ZFAT: variants seen among roughly 807,000 people sequenced by gnomAD.
ZFAT encodes the protein zinc finger protein ZFAT.
In ZFAT, 64 loss-of-function variants were observed where a neutral mutation model predicts 117.7. That is an observed-to-expected ratio of 0.54 (90% CI 0.44 to 0.67). ZFAT has a LOEUF of 0.67. ZFAT is among the 30% of genes least tolerant of loss of function. The pLI, the probability that ZFAT is intolerant of heterozygous loss-of-function variation, is 0.00. For missense variants in ZFAT, 1,433 were observed against 1,584.5 expected, an observed-to-expected ratio of 0.90 and a Z score of 1.62; for synonymous variants, 679 against 615.0, an observed-to-expected ratio of 1.10 and a Z score of -1.54.
chr8:134,558,889 C>T (rs941436084), intron 11 of ZFAT, among the ~76,000 whole-genome samples: 1 of 152,168 alleles, frequency 6.6e-6, no homozygotes, highest in African/African-American at 2.4e-5. Flanking sequence ...GTGGTGCAGC[C>T]AGAAATTGAA....
the ZFAT span, among the ~76,000 whole-genome samples, chr8:134,782,650 A>G: frequency 6.6e-6 from 1 of 152,056 alleles, no homozygotes. Context: ...ACAAGATCTG[A>G]TAGTTTTATA....
the ZFAT span, among the ~76,000 whole-genome samples, chr8:134,733,370 G>A: frequency 2.6e-5 from 4 of 152,228 alleles, no homozygotes; most frequent in Non-Finnish European, 4.4e-5. Context: ...TGGAGTTTGA[G>A]ACTCCCTGGG....
intron 1 of ZFAT, among the ~76,000 whole-genome samples, chr8:134,691,848 T>C (rs1341572196): frequency 6.6e-6 from 1 of 152,240 alleles, no homozygotes; most frequent in Non-Finnish European, 1.5e-5. Context: ...GTTAAAGCTA[T>C]AAAAGATATT....
chr8:134,816,215 A>G, the ZFAT span, among the ~76,000 whole-genome samples: 68 of 152,334 alleles, frequency 4.5e-4, 2 homozygotes, highest in Middle Eastern at 6.8e-3. Context: ...AAGAAATTAA[A>G]TGACTTTATC....
At chr8:134,636,355 A>G (rs532245868) in intron 3 of ZFAT, among the ~76,000 whole-genome samples, 1 of 152,318 alleles carries the variant, frequency 6.6e-6, no homozygotes, top group East Asian at 1.9e-4. Flanking sequence ...TACTGTATCC[A>G]TGTGGTTATG....
At chr8:134,565,543 A>C (rs2130773354) in intron 10 of ZFAT, 122 bp from the exon 11 acceptor site, 35 of 916,076 alleles carry the variant, frequency 3.8e-5, no homozygotes, top group Non-Finnish European at 5.3e-5. Context: ...TCAGAATCTC[A>C]GAAGGGAACA....
chr8:134,523,631 C>T (rs1239871811), intron 12 of ZFAT, among the ~76,000 whole-genome samples: 2 of 152,234 alleles, frequency 1.3e-5, no homozygotes, highest in Non-Finnish European at 2.9e-5. Context: ...GTCTCACCTA[C>T]AATAAAATCC....
intron 3 of ZFAT, among the ~76,000 whole-genome samples, chr8:134,616,260 C>T (rs1030081075): frequency 9.9e-5 from 15 of 152,216 alleles, no homozygotes; most frequent in Non-Finnish European, 2.9e-5. Context: ...AATACTTCTT[C>T]GTGGAAAGCA....
At chr8:134,680,193 C>T (rs547249013) in intron 1 of ZFAT, among the ~76,000 whole-genome samples, 51 of 143,416 alleles carry the variant, frequency 3.6e-4, no homozygotes, top group Admixed American at 8.2e-4. Context: ...ACCCTGGAGG[C>T]AGAGATTGCA....
At chr8:134,621,312 T>G (rs543072904) in intron 3 of ZFAT, among the ~76,000 whole-genome samples, 1 of 152,080 alleles carries the variant, frequency 6.6e-6, no homozygotes, top group Admixed American at 6.6e-5. Context: ...TTCCCTTTAG[T>G]CAATATCACA....
At chr8:134,678,615 C>G (rs1056488981) in intron 1 of ZFAT, among the ~76,000 whole-genome samples, 1 of 152,146 alleles carries the variant, frequency 6.6e-6, no homozygotes, top group Non-Finnish European at 1.5e-5. Flanking sequence ...AATAAAGAAA[C>G]CACATAGCCA....
intron 13 of ZFAT, among the ~76,000 whole-genome samples, chr8:134,515,823 G>A (rs1465556263): frequency 6.6e-6 from 1 of 152,104 alleles, no homozygotes; most frequent in South Asian, 2.1e-4. Context: ...GGATTATTCT[G>A]AAGCAAATCC....
At chr8:134,786,906 T>A in the ZFAT span, among the ~76,000 whole-genome samples, 1 of 151,384 alleles carries the variant, frequency 6.6e-6, no homozygotes, top group South Asian at 2.1e-4. Flanking sequence ...TGGAGTGTAG[T>A]GACACAATTA....
Position 134,642,005 on chromosome 8 carries a change from T to TTG in ZFAT, c.197-4295_197-4294dup, listed in dbSNP as rs973111679. Among the ~76,000 whole-genome samples, 298 of 152,340 alleles carry TTG rather than the reference T, an allele frequency of 2.0e-3. 1 individual carries two copies. The highest frequency in any genetic ancestry group is 6.9e-3 in the African/African-American group (287 of 41,572). Reference sequence around the variant, plus strand: ...CAATTTAATAACGTAAGCCCTTTATTTGTGCATCACTCAAGTTTGCAAGGC... The same window carrying TTG: ...CAATTTAATAACGTAAGCCCTTTATTTGTGTGCATCACTCAAGTTTGCAAGGC... On this transcript the variant is annotated intron_variant, in intron 2 of 15. Coordinates refer to ENST00000377838, the MANE Select transcript of ZFAT (RefSeq NM_020863.4).
At chr8:134,675,080 G>A (rs1832729912) in intron 1 of ZFAT, among the ~76,000 whole-genome samples, 1 of 152,238 alleles carries the variant, frequency 6.6e-6, no homozygotes, top group Non-Finnish European at 1.5e-5. Flanking sequence ...TCGCCAGCGA[G>A]GGGACAAAGC....
At chr8:134,534,536 A>G (rs945837262) in intron 11 of ZFAT, among the ~76,000 whole-genome samples, 3 of 151,606 alleles carry the variant, frequency 2.0e-5, no homozygotes, top group African/African-American at 7.3e-5. Flanking sequence ...GTAGCCCCAT[A>G]GAGGCAGATG....
chr8:134,822,914 T>G, the ZFAT span, among the ~76,000 whole-genome samples: 3 of 152,102 alleles, frequency 2.0e-5, no homozygotes, highest in Non-Finnish European at 4.4e-5. Context: ...TAAATTCAGA[T>G]TTTTAAAAAA....
At chr8:134,768,412 G>A in the ZFAT span, among the ~76,000 whole-genome samples, 2,758 of 152,176 alleles carry the variant, frequency 0.018, 90 homozygotes, top group African/African-American at 0.063. Flanking sequence ...CTCTTCTCAG[G>A]CCTCTCTGTA....
At chr8:134,483,220 T>A (rs1009664721) in intron 15 of ZFAT, among the ~76,000 whole-genome samples, 29 of 152,234 alleles carry the variant, frequency 1.9e-4, no homozygotes, top group Non-Finnish European at 4.1e-4. Flanking sequence ...CCATGCCTTG[T>A]CCTGATTCTT....
Sources: gnomAD v4.1 joint callset for allele counts (sites outside exome capture counted in the v4.1 genomes callset) on GRCh38, gnomAD v4.1.1 for gene constraint, MANE v1.5 for transcripts, NCBI Gene and HGNC (gene_info 2026-07-23, HGNC 2026-07-21) for gene names.